MAGI2: variants seen among roughly 807,000 people sequenced by gnomAD.
The protein encoded by MAGI2 is membrane associated guanylate kinase, WW and PDZ domain containing 2.
A neutral mutation model predicts 133.3 loss-of-function variants in MAGI2; 35 were observed. The observed-to-expected ratio is 0.26, with a 90% CI of 0.20 to 0.35. The LOEUF is 0.35. MAGI2 is among the 10% of genes least tolerant of loss of function. MAGI2 has a pLI of 1.00. For synonymous variants in MAGI2, 729 were observed against 710.6 expected, an observed-to-expected ratio of 1.03 and a Z score of -0.41; for missense variants, 1,636 against 1,863.4, an observed-to-expected ratio of 0.88 and a Z score of 2.25.
chr7:79,342,837 A>T (rs1585640415), intron 1 of MAGI2, among the ~76,000 whole-genome samples: 1 of 151,924 alleles, frequency 6.6e-6, no homozygotes, highest in Admixed American at 6.6e-5. Flanking sequence ...TTGGCTCACT[A>T]CAACCTCTGC....
chr7:79,267,089 T>C (rs1219591892), intron 1 of MAGI2, among the ~76,000 whole-genome samples: 3 of 152,126 alleles, frequency 2.0e-5, no homozygotes, highest in African/African-American at 7.2e-5. Flanking sequence ...CACCTCCATG[T>C]ATCGATTTAT....
intron 2 of MAGI2, among the ~76,000 whole-genome samples, chr7:78,962,956 T>G (rs892859935): frequency 6.6e-6 from 1 of 152,128 alleles, no homozygotes; most frequent in Non-Finnish European, 1.5e-5. Context: ...TTTTAAGTCT[T>G]TAGTTCCCTA....
chr7:78,321,461 C>T (rs899898159), intron 9 of MAGI2, among the ~76,000 whole-genome samples: 1 of 152,030 alleles, frequency 6.6e-6, no homozygotes, highest in African/African-American at 2.4e-5. Context: ...TCAGAAATAA[C>T]ACCACATATC....
At chr7:78,857,484 G>A (rs1009176799) in intron 2 of MAGI2, among the ~76,000 whole-genome samples, 1 of 152,108 alleles carries the variant, frequency 6.6e-6, no homozygotes. Context: ...TTTTGTTGAA[G>A]GCCTTTTCTG....
intron 1 of MAGI2, among the ~76,000 whole-genome samples, chr7:79,370,225 T>G (rs923227052): frequency 6.6e-6 from 1 of 152,170 alleles, no homozygotes; most frequent in Admixed American, 6.5e-5. Flanking sequence ...ATACAAAATA[T>G]AGATGGTTAT....
intron 1 of MAGI2, among the ~76,000 whole-genome samples, chr7:79,365,453 T>G (rs919606450): frequency 6.6e-6 from 1 of 152,150 alleles, no homozygotes; most frequent in Non-Finnish European, 1.5e-5. Context: ...ATTTGTAATA[T>G]CCCCAAACTG....
Position 79,081,362 on chromosome 7 carries a change from A to G in MAGI2, c.302-74156T>C, listed in dbSNP as rs79071602. On this transcript the variant is annotated intron_variant, in intron 1 of 21. Transcript: ENST00000354212. ...TTTATTTGCTCACTTTGCAGTGTTT[A>G]TTTATGCCTTCATATATTTAAATAC... Among the ~76,000 whole-genome samples, 961 of 152,276 alleles carry G rather than the reference A, an allele frequency of 6.3e-3. 16 individuals are homozygous for G. Among genetic ancestry groups the G allele is most frequent in the African/African-American group, 0.021 (890 of 41,566 alleles).
chr7:79,350,413 A>G (rs1841609923), intron 1 of MAGI2, among the ~76,000 whole-genome samples: 3 of 152,140 alleles, frequency 2.0e-5, no homozygotes, highest in African/African-American at 7.2e-5. Flanking sequence ...TTAGTCTTTC[A>G]AGGACATTTT....
At chr7:79,267,598 C>T (rs1585379585) in intron 1 of MAGI2, among the ~76,000 whole-genome samples, 1 of 152,156 alleles carries the variant, frequency 6.6e-6, no homozygotes, top group South Asian at 2.1e-4. Context: ...TGCTGCCATA[C>T]TCTTTCATCT....
chr7:78,102,185 T>C (rs1459100150), intron 20 of MAGI2, among the ~76,000 whole-genome samples: 1 of 152,060 alleles, frequency 6.6e-6, no homozygotes, highest in Non-Finnish European at 1.5e-5. Context: ...AAAATGATGG[T>C]TGTCAGGGGC....
chr7:78,193,126 G>A (rs57837586), intron 12 of MAGI2, among the ~76,000 whole-genome samples: 131 of 152,320 alleles, frequency 8.6e-4, no homozygotes, highest in African/African-American at 3.0e-3. Context: ...ACAAGAAACT[G>A]AGGGCACAAT....
intron 1 of MAGI2, among the ~76,000 whole-genome samples, chr7:79,221,896 T>C (rs999053605): frequency 6.6e-6 from 1 of 151,998 alleles, no homozygotes; most frequent in African/African-American, 2.4e-5. Context: ...AAAACATTAA[T>C]AGTTCCACAG....
intron 10 of MAGI2, among the ~76,000 whole-genome samples, chr7:78,231,025 A>G (rs1358905451): frequency 1.3e-5 from 2 of 152,364 alleles, no homozygotes; most frequent in South Asian, 4.1e-4. Flanking sequence ...GACCAGGATC[A>G]ATCATTCAAG....
At chr7:78,490,102 T>C (rs1793462810) in intron 5 of MAGI2, 2 of 439,892 alleles carry the variant, frequency 4.5e-6, no homozygotes, top group Non-Finnish European at 8.0e-6. Context: ...TCATTGAAAA[T>C]GCAGAACTCA....
At chr7:78,991,887 C>A (rs1366955451) in intron 2 of MAGI2, among the ~76,000 whole-genome samples, 1 of 151,986 alleles carries the variant, frequency 6.6e-6, no homozygotes, top group Non-Finnish European at 1.5e-5. Context: ...CCAAGAAAAC[C>A]TTTGATATTT....
intron 3 of MAGI2, chr7:78,618,113 T>C (rs538910130): frequency 1.3e-5 from 2 of 152,158 alleles, no homozygotes; most frequent in African/African-American, 4.8e-5. Flanking sequence ...TAGGGCACCA[T>C]TGAGAAAGAC....
intron 9 of MAGI2, among the ~76,000 whole-genome samples, chr7:78,317,925 A>G (rs1477272236): frequency 2.6e-5 from 4 of 152,224 alleles, no homozygotes; most frequent in Admixed American, 1.3e-4. Context: ...TAGCATCAGC[A>G]TCAACAAAAA....
chr7:79,035,817 G>A (rs1394685796), intron 1 of MAGI2, among the ~76,000 whole-genome samples: 1 of 152,048 alleles, frequency 6.6e-6, no homozygotes, highest in African/African-American at 2.4e-5. Flanking sequence ...AATCATAAAT[G>A]AAGAAGATTA....
intron 2 of MAGI2, among the ~76,000 whole-genome samples, chr7:78,875,161 C>T (rs1033148311): frequency 1.1e-4 from 17 of 152,090 alleles, no homozygotes; most frequent in Non-Finnish European, 2.4e-4. Flanking sequence ...AAGGGGACAG[C>T]TGGGGCAAAG....
Sources: gnomAD v4.1 joint callset for allele counts (sites outside exome capture counted in the v4.1 genomes callset) on GRCh38, gnomAD v4.1.1 for gene constraint, MANE v1.5 for transcripts, NCBI Gene and HGNC (gene_info 2026-07-23, HGNC 2026-07-21) for gene names.